The following BEND4 variants were observed in gnomAD, a reference collection of about 807,000 sequenced individuals.
BEND4 encodes the protein BEN domain containing 4.
Under a neutral mutation model 54.7 loss-of-function variants are expected in BEND4, and 27 were observed. That is an observed-to-expected ratio of 0.49 (90% CI 0.36 to 0.68). The LOEUF (loss-of-function observed/expected upper bound fraction) is 0.68. Among genes scored for constraint, BEND4 ranks in the 30% least tolerant of loss-of-function variants. BEND4 has a pLI of 0.00. For synonymous variants in BEND4, 327 were observed against 299.5 expected, an observed-to-expected ratio of 1.09 and a Z score of -0.95; for missense variants, 702 against 697.2, an observed-to-expected ratio of 1.01 and a Z score of -0.08.
In BEND4 at chr4:42,130,531, CAGAA is replaced by C. The variant is rs539815270; in HGVS notation, c.1055-4861_1055-4858del. Among the ~76,000 whole-genome samples the C allele has an allele frequency of 1.4e-3, 203 of 145,160 alleles. 1 individual carries two copies. The highest frequency in any genetic ancestry group is 4.9e-3 in the African/African-American group (193 of 39,114). On this transcript the variant is annotated intron_variant, in intron 3 of 5. Transcript: ENST00000502486. Reference sequence around the variant, plus strand: ...CAATGAGATACCATCTCATGATAATCAGAATGACAATTATTAAAAAGTCAAGAAA... The same window carrying C: ...CAATGAGATACCATCTCATGATAATCTGACAATTATTAAAAAGTCAAGAAA...
In BEND4 at chr4:42,143,072, GCTTATAGCA is replaced by G. The variant is rs558151351; in HGVS notation, c.1054+347_1054+355del. Among the ~76,000 whole-genome samples the G allele has an allele frequency of 4.8e-3, 737 of 152,242 alleles. 1 individual carries two copies. Among genetic ancestry groups the G allele is most frequent in the Middle Eastern group, 0.01 (3 of 294 alleles). Reference sequence around the variant, plus strand: ...AGAGGACCACCTTTTAAGAAAACAGGCTTATAGCACTTGACCTATTTCAATGTCAAAGCA... The same window carrying G: ...AGAGGACCACCTTTTAAGAAAACAGGCTTGACCTATTTCAATGTCAAAGCA... On this transcript the variant is annotated intron_variant, in intron 3 of 5. Transcript: ENST00000502486.
intron 2 of BEND4, among the ~76,000 whole-genome samples, chr4:42,149,683 G>A (rs1721193413): frequency 6.6e-6 from 1 of 151,414 alleles, no homozygotes; most frequent in Admixed American, 6.6e-5. Flanking sequence ...GACATCAGAA[G>A]GAACACTGAA....
At position 42,113,084 on chromosome 4, in the gene BEND4, T is replaced by G. The variant is rs992007093; in HGVS notation, c.*4434A>C. 2 of 152,234 alleles carry G rather than the reference T, an allele frequency of 1.3e-5. No individual in the cohort carries two copies. The highest frequency in any genetic ancestry group is 2.4e-5 in the African/African-American group (1 of 41,466). 9.4% of individuals were successfully genotyped at this position (152,234 alleles called of 1,614,324 possible). A position where few individuals can be genotyped will look rare whatever the true frequency, so the allele number is the denominator to read the frequency against. ...TAGAGTTCTGACTCAAGCACTCCAT[T>G]TGACATGTTTTGCCAAACAGTTCTG... On this transcript the variant is annotated 3_prime_UTR_variant, in exon 6 of 6. Transcript: ENST00000502486.
At chr4:42,125,538 A>C (rs1370870911) in intron 4 of BEND4, 45 bp downstream of exon 4, 1 of 1,427,022 alleles carries the variant, frequency 7.0e-7, no homozygotes, top group South Asian at 1.2e-5. Flanking sequence ...CAAGATACTT[A>C]AGAGAATTCC....
At chr4:42,139,011 TCTC>T (rs1720793714) in intron 3 of BEND4, among the ~76,000 whole-genome samples, 1 of 152,292 alleles carries the variant, frequency 6.6e-6, no homozygotes, top group African/African-American at 2.4e-5. Context: ...TTTTATGAGT[TCTC>T]CTTAGTGTTG....
Position 42,115,684 on chromosome 4 carries a change from G to C in BEND4, c.*1834C>G, listed in dbSNP as rs1006266550. ...CTTATAAGACAGACACTGACTTCTC[G>C]GACCTCTAAAAAATGCTTTAAGAGG... On this transcript the variant is annotated 3_prime_UTR_variant, in exon 6 of 6. Coordinates refer to ENST00000502486, the MANE Select transcript of BEND4 (RefSeq NM_207406.4). 1.3e-5 allele frequency: 2 copies of C among 152,112 alleles called. No individual in the cohort carries two copies. The highest frequency in any genetic ancestry group is 4.8e-5 in the African/African-American group (2 of 41,416). The allele number at this position is 152,112 out of a possible 1,614,324, so 9.4% of individuals were successfully genotyped here.
chr4:42,137,720 T>C (rs780172489), intron 3 of BEND4, among the ~76,000 whole-genome samples: 4 of 152,074 alleles, frequency 2.6e-5, no homozygotes, highest in Non-Finnish European at 4.4e-5. Context: ...TTGCAAACCA[T>C]GGGGTTAATA....
rs548782774 is a variant in BEND4 at position 42,151,535 on chromosome 4, C to A, written c.487+122G>T. 4.7e-6 allele frequency: 5 copies of A among 1,068,748 alleles called. No homozygotes were observed. The South Asian group carries it at 7.4e-5, about 16-fold the overall frequency. 66.2% of individuals were successfully genotyped at this position (1,068,748 alleles called of 1,614,324 possible). A position where few individuals can be genotyped will look rare whatever the true frequency, so the allele number is the denominator to read the frequency against. On this transcript the variant is annotated intron_variant, in intron 2 of 5. Coordinates refer to ENST00000502486, the MANE Select transcript of BEND4 (RefSeq NM_207406.4). Reference sequence around the variant, plus strand: ...GGTGCGCGGGGAGGCCCCAGGTGCGCCCCGACATCCCGACACGGCCCAGCA... The same window carrying A: ...GGTGCGCGGGGAGGCCCCAGGTGCGACCCGACATCCCGACACGGCCCAGCA...
At chr4:42,128,332 G>C (rs1720366030) in intron 3 of BEND4, among the ~76,000 whole-genome samples, 1 of 152,140 alleles carries the variant, frequency 6.6e-6, no homozygotes, top group Admixed American at 6.5e-5. Context: ...ACACAGTATT[G>C]AAAGTTCTGG....
At chr4:42,151,437 G>T (rs908184848) in intron 2 of BEND4, 2 of 369,356 alleles carry the variant, frequency 5.4e-6, no homozygotes, top group Non-Finnish European at 9.5e-6. Flanking sequence ...TCCAAGCCGC[G>T]GAGCCACCTG....
At chr4:42,118,950 C>T (rs76992148) in intron 5 of BEND4, among the ~76,000 whole-genome samples, 1 of 152,188 alleles carries the variant, frequency 6.6e-6, no homozygotes, top group African/African-American at 2.4e-5. Flanking sequence ...CAGGCATTTT[C>T]GTCTCAGGTG....
At chr4:42,117,901 A>G (rs1178432443) in intron 5 of BEND4, among the ~76,000 whole-genome samples, 166 bp from the exon 6 acceptor site, 2 of 150,698 alleles carry the variant, frequency 1.3e-5, no homozygotes. Flanking sequence ...GACCCAATTT[A>G]TTCCATACAA....
chr4:42,151,570 GTCGGCGGC>G, intron 2 of BEND4, 79 bp downstream of exon 2: 9 of 1,338,570 alleles, frequency 6.7e-6, no homozygotes, highest in Non-Finnish European at 8.7e-6. Flanking sequence ...ACGGGTAAGT[GTCGGCGGC>G]CCCCCGCTTC....
chr4:42,119,534 C>T (rs1013897527), intron 5 of BEND4, among the ~76,000 whole-genome samples: 1 of 151,972 alleles, frequency 6.6e-6, no homozygotes, highest in African/African-American at 2.4e-5. Flanking sequence ...CTCTGCAGTA[C>T]ACTTAATAGA....
intron 2 of BEND4, 125 bp from the exon 3 acceptor site, chr4:42,144,119 C>G (rs1205003346): frequency 2.7e-6 from 2 of 742,184 alleles, no homozygotes; most frequent in Admixed American, 4.3e-5. Context: ...TGTCATAAAC[C>G]AAGATGACAC....
At chr4:42,134,098 G>C (rs1361800136) in intron 3 of BEND4, among the ~76,000 whole-genome samples, 1 of 152,160 alleles carries the variant, frequency 6.6e-6, no homozygotes, top group African/African-American at 2.4e-5. Flanking sequence ...TTCGTAAATA[G>C]TTTTCCTTGG....
At chr4:42,143,271 GT>G (rs1720952736) in intron 3 of BEND4, among the ~76,000 whole-genome samples, 156 bp downstream of exon 3, 1 of 152,102 alleles carries the variant, frequency 6.6e-6, no homozygotes, top group Admixed American at 6.6e-5. Flanking sequence ...GAGCATGTCT[GT>G]TTTTTCCAAC....
intron 2 of BEND4, among the ~76,000 whole-genome samples, chr4:42,149,086 A>T (rs1721172730): frequency 6.6e-6 from 1 of 151,860 alleles, no homozygotes; most frequent in South Asian, 2.1e-4. Flanking sequence ...TCTGTCCTTG[A>T]CTCATTTCGT....
chr4:42,117,761 AAGAG>A (rs757465844), intron 5 of BEND4, 26 bp from the exon 6 acceptor site: 11 of 1,480,292 alleles, frequency 7.4e-6, no homozygotes, highest in South Asian at 3.7e-5. Context: ...CAACATCAAA[AAGAG>A]AGAGAGAAAA....
Sources: allele counts gnomAD v4.1 joint callset (sites outside exome capture counted in the v4.1 genomes callset), GRCh38; gene constraint gnomAD v4.1.1; transcripts MANE v1.5; gene names NCBI Gene and HGNC (gene_info 2026-07-23, HGNC 2026-07-21).